OXR1: variants seen among roughly 807,000 people sequenced by gnomAD.
OXR1 encodes the protein oxidation resistance protein 1.
OXR1 carries 41 observed loss-of-function variants against 104.6 expected under a neutral mutation model. The ratio of observed to expected loss-of-function variants is 0.39; its 90% confidence interval spans 0.31 to 0.51. The LOEUF (loss-of-function observed/expected upper bound fraction) is 0.51, where lower values mean the gene tolerates loss of function less well. Ranked by LOEUF, OXR1 falls within the 20% of genes least tolerant of loss-of-function variation. The pLI, the probability that OXR1 is intolerant of heterozygous loss-of-function variation, is 0.77. For missense variants in OXR1, 955 were observed against 1,031.9 expected (o/e 0.93, Z 1.02); for synonymous variants, 348 against 348.4 (o/e 1.00, Z 0.01).
chr8:106,563,310 A>AG (rs1428057959), intron 3 of OXR1, among the ~76,000 whole-genome samples: 11 of 151,242 alleles, frequency 7.3e-5, no homozygotes, highest in African/African-American at 2.4e-4. Context: ...AAAAAAAAAA[A>AG]AAAAGAAAAA....
At chr8:106,308,249 A>G (rs1480243418) in intron 1 of OXR1, among the ~76,000 whole-genome samples, 1 of 152,116 alleles carries the variant, frequency 6.6e-6, no homozygotes. Context: ...GGTTGTCAGA[A>G]TTTCCATCTC....
rs539388987 is a variant in OXR1 at position 106,553,494 on chromosome 8, A to G, written c.220+34355A>G. Among the ~76,000 whole-genome samples the G allele has an allele frequency of 1.0e-3, 152 of 151,892 alleles. 1 individual carries two copies. The highest frequency in any genetic ancestry group is 1.8e-3 in the Non-Finnish European group (119 of 67,938). On this transcript the variant is annotated intron_variant, in intron 3 of 16. Transcript: ENST00000517566. ...CCACCACACCTGGCTAAATTTTTAT[A>G]TGATTTCTAGAGACCAGGTTTTGCC...
At chr8:106,277,375 A>G (rs1331606111) in intron 1 of OXR1, among the ~76,000 whole-genome samples, 1 of 152,194 alleles carries the variant, frequency 6.6e-6, no homozygotes, top group Non-Finnish European at 1.5e-5. Flanking sequence ...ATTCGGTGAC[A>G]TAAGCAAGTA....
At chr8:106,415,139 A>C (rs1394674170) in intron 2 of OXR1, among the ~76,000 whole-genome samples, 3 of 152,100 alleles carry the variant, frequency 2.0e-5, no homozygotes, top group Admixed American at 6.6e-5. Context: ...ATTTGACTCC[A>C]CAGTGGCATG....
intron 2 of OXR1, among the ~76,000 whole-genome samples, chr8:106,405,053 A>T (rs953653874): frequency 4.6e-5 from 7 of 151,494 alleles, no homozygotes; most frequent in Non-Finnish European, 7.4e-5. Flanking sequence ...CAGATCAAAC[A>T]TGTAGTATCA....
At chr8:106,489,715 T>A (rs1400410373) in intron 2 of OXR1, among the ~76,000 whole-genome samples, 1 of 152,092 alleles carries the variant, frequency 6.6e-6, no homozygotes, top group Admixed American at 6.5e-5. Flanking sequence ...TGAAATAGTC[T>A]TCTGTACTTA....
intron 11 of OXR1, among the ~76,000 whole-genome samples, chr8:106,723,813 A>G (rs562409932): frequency 2.0e-5 from 3 of 152,254 alleles, no homozygotes; most frequent in African/African-American, 4.8e-5. Context: ...TTTTTGAGAA[A>G]GGGTCTTGCT....
At chr8:106,479,028 C>A (rs1335439000) in intron 2 of OXR1, among the ~76,000 whole-genome samples, 2 of 151,830 alleles carry the variant, frequency 1.3e-5, no homozygotes, top group Admixed American at 6.6e-5. Context: ...AATACTATAG[C>A]AATTCAATAC....
At chr8:106,341,790 C>G (rs1586545522) in intron 1 of OXR1, among the ~76,000 whole-genome samples, 1 of 152,172 alleles carries the variant, frequency 6.6e-6, no homozygotes, top group Middle Eastern at 3.4e-3. Flanking sequence ...CATCCAAGAT[C>G]ACCTCATTTT....
chr8:106,728,371 G>A (rs1175684826), intron 11 of OXR1, among the ~76,000 whole-genome samples: 11 of 152,038 alleles, frequency 7.2e-5, no homozygotes, highest in Admixed American at 7.2e-4. Context: ...ACCTCTGTAA[G>A]AGAGATTATC....
intron 2 of OXR1, among the ~76,000 whole-genome samples, chr8:106,368,245 A>T (rs1025932715): frequency 2.6e-5 from 4 of 152,128 alleles, no homozygotes; most frequent in African/African-American, 9.7e-5. Context: ...TATGACAGAA[A>T]AATAAGATAT....
chr8:106,692,283 AC>A (rs1193692336), intron 6 of OXR1, among the ~76,000 whole-genome samples: 1 of 151,962 alleles, frequency 6.6e-6, no homozygotes, highest in Non-Finnish European at 1.5e-5. Flanking sequence ...ATGCTTAGGT[AC>A]TAAGGTAAGC....
At chr8:106,652,375 TA>T (rs1402676885) in intron 3 of OXR1, among the ~76,000 whole-genome samples, 6 of 152,000 alleles carry the variant, frequency 3.9e-5, no homozygotes, top group Non-Finnish European at 7.4e-5. Flanking sequence ...AACTAGGCCA[TA>T]AAAAAACTCA....
At chr8:106,355,455 G>T (rs929767978) in intron 1 of OXR1, among the ~76,000 whole-genome samples, 1 of 151,762 alleles carries the variant, frequency 6.6e-6, no homozygotes. Flanking sequence ...AAAAAATCAC[G>T]TCATAAAAAA....
At chr8:106,336,988 T>C (rs1274708735) in intron 1 of OXR1, among the ~76,000 whole-genome samples, 1 of 152,264 alleles carries the variant, frequency 6.6e-6, no homozygotes, top group African/African-American at 2.4e-5. Flanking sequence ...ACTGTACTTA[T>C]ATTTTGCAAA....
chr8:106,696,768 A>G (rs371337962), intron 7 of OXR1, among the ~76,000 whole-genome samples: 11 of 152,210 alleles, frequency 7.2e-5, no homozygotes, highest in African/African-American at 2.6e-4. Context: ...TTAAATCGAC[A>G]AACTCATCTT....
At chr8:106,564,328 A>G (rs1179388857) in intron 3 of OXR1, among the ~76,000 whole-genome samples, 2 of 152,186 alleles carry the variant, frequency 1.3e-5, no homozygotes, top group African/African-American at 2.4e-5. Context: ...CAGAAATACA[A>G]ACTACCATCA....
intron 1 of OXR1, among the ~76,000 whole-genome samples, chr8:106,307,532 A>G (rs1049591847): frequency 6.6e-6 from 1 of 151,164 alleles, no homozygotes; most frequent in East Asian, 1.9e-4. Flanking sequence ...TTCGGTTCCC[A>G]TACTCACTGG....
At chr8:106,351,964 G>T (rs1815744656) in intron 1 of OXR1, among the ~76,000 whole-genome samples, 1 of 152,110 alleles carries the variant, frequency 6.6e-6, no homozygotes, top group Non-Finnish European at 1.5e-5. Flanking sequence ...AGCACAGTTG[G>T]TAATCGCATC....
Sources: gnomAD v4.1 joint callset for allele counts (sites outside exome capture counted in the v4.1 genomes callset) on GRCh38, gnomAD v4.1.1 for gene constraint, MANE v1.5 for transcripts, NCBI Gene and HGNC (gene_info 2026-07-23, HGNC 2026-07-21) for gene names.